The following TMEM132D variants were observed in gnomAD, a reference collection of about 807,000 sequenced individuals.
TMEM132D encodes the protein transmembrane protein 132D, also known as mature OL transmembrane protein.
In TMEM132D, 21 loss-of-function variants were observed where a neutral mutation model predicts 62.3. The observed-to-expected ratio is 0.34, with a 90% CI of 0.24 to 0.49. The LOEUF (loss-of-function observed/expected upper bound fraction) is 0.49. Among genes scored for constraint, TMEM132D ranks in the 20% least tolerant of loss-of-function variants. TMEM132D has a pLI of 0.99. For synonymous variants in TMEM132D, 621 were observed against 575.6 expected (o/e 1.08, Z -1.13); for missense variants, 1,346 against 1,402.8 (o/e 0.96, Z 0.65).
At chr12:129,252,998 C>T (rs1174483443) in intron 4 of TMEM132D, among the ~76,000 whole-genome samples, 3 of 134,544 alleles carry the variant, frequency 2.2e-5, no homozygotes, top group Non-Finnish European at 3.0e-5. Flanking sequence ...ACAATGATAA[C>T]ACATGGACAC....
At chr12:129,460,129 C>G (rs1457987028) in intron 3 of TMEM132D, among the ~76,000 whole-genome samples, 1 of 152,200 alleles carries the variant, frequency 6.6e-6, no homozygotes, top group African/African-American at 2.4e-5. Flanking sequence ...ACAATCAAGA[C>G]TGACCCATGA....
At chr12:129,399,811 T>C (rs1253511528) in intron 3 of TMEM132D, among the ~76,000 whole-genome samples, 1 of 152,018 alleles carries the variant, frequency 6.6e-6, no homozygotes, top group Non-Finnish European at 1.5e-5. Context: ...TAGGTAAAAC[T>C]GTGTGGCTCA....
intron 2 of TMEM132D, among the ~76,000 whole-genome samples, chr12:129,608,385 A>C (rs986971338): frequency 5.9e-5 from 9 of 152,126 alleles, no homozygotes; most frequent in Non-Finnish European, 1.2e-4. Flanking sequence ...AGTCTGCAAA[A>C]ATGAGGCCTA....
chr12:129,428,507 A>T (rs1872560884), intron 3 of TMEM132D, among the ~76,000 whole-genome samples: 1 of 152,214 alleles, frequency 6.6e-6, no homozygotes, highest in Non-Finnish European at 1.5e-5. Flanking sequence ...TACTTGGAGG[A>T]GGAATTTCAC....
At chr12:129,263,271 T>G (rs535114826) in intron 4 of TMEM132D, among the ~76,000 whole-genome samples, 1 of 152,300 alleles carries the variant, frequency 6.6e-6, no homozygotes, top group Admixed American at 6.5e-5. Flanking sequence ...TACTATACTC[T>G]GTTCAAATGA....
At position 129,260,570 on chromosome 12, in the gene TMEM132D, A is replaced by G. The variant is rs187469027; in HGVS notation, c.1300-50907T>C. ...GTACAGGTGGTTTTTGGTTACATGG[A>G]TAAGTTCTTTAGTGGTGATTTCTGA... is the stretch of plus-strand genomic sequence containing the variant. On this transcript the variant is annotated intron_variant, in intron 4 of 8. Transcript: ENST00000422113. 3.7e-3 allele frequency among the ~76,000 whole-genome samples: 569 copies of G among 152,234 alleles called. 2 individuals are homozygous for G. The highest frequency in any genetic ancestry group is 6.9e-3 in the Non-Finnish European group (467 of 68,008).
intron 1 of TMEM132D, among the ~76,000 whole-genome samples, chr12:129,711,833 G>T (rs2137236864): frequency 6.8e-6 from 1 of 148,100 alleles, no homozygotes; most frequent in Non-Finnish European, 1.5e-5. Context: ...TTATATAAAG[G>T]ATTATAAAAA....
chr12:129,632,033 TACAACAGGAGCATTATAC>T (rs1879358139), intron 2 of TMEM132D, among the ~76,000 whole-genome samples: 1 of 152,208 alleles, frequency 6.6e-6, no homozygotes, highest in Admixed American at 6.5e-5. Flanking sequence ...CAGCATTATT[TACAACAGGAGCATTATAC>T]ACAACAGGAG....
chr12:129,402,465 T>C (rs1871651401), intron 3 of TMEM132D, among the ~76,000 whole-genome samples: 1 of 152,194 alleles, frequency 6.6e-6, no homozygotes, highest in South Asian at 2.1e-4. Flanking sequence ...GTCACTGCAC[T>C]GTACACGGGT....
At chr12:129,750,048 CGAT>C (rs1199580596) in intron 1 of TMEM132D, among the ~76,000 whole-genome samples, 1 of 152,026 alleles carries the variant, frequency 6.6e-6, no homozygotes, top group Non-Finnish European at 1.5e-5. Flanking sequence ...TCTCTACTGA[CGAT>C]GATGCCTGTG....
intron 1 of TMEM132D, among the ~76,000 whole-genome samples, chr12:129,730,388 T>C (rs1869190288): frequency 6.6e-6 from 1 of 152,172 alleles, no homozygotes; most frequent in Non-Finnish European, 1.5e-5. Context: ...ACTCCAGGGG[T>C]ATGCTCCCTG....
rs1327125326 is a variant in TMEM132D, at chr12:129,801,909, G to A, written c.80-101211C>T. The stretch of plus-strand genomic sequence containing the variant: ...GAAGAATGAAGAAGCCTCAGGAGCC[G>A]ATGCGATCAACTGGAAGAAAGGGTA... On this transcript the variant is annotated intron_variant, in intron 1 of 8. Transcript: ENST00000422113. Among the ~76,000 whole-genome samples, 18 of 151,812 alleles carry A rather than the reference G, an allele frequency of 1.2e-4. No homozygotes were observed. In the East Asian group the frequency reaches 1.6e-3, roughly 13 times the overall value.
At chr12:129,845,741 T>A (rs534965558) in intron 1 of TMEM132D, among the ~76,000 whole-genome samples, 1 of 152,138 alleles carries the variant, frequency 6.6e-6, no homozygotes, top group African/African-American at 2.4e-5. Context: ...CCCAGGAGGG[T>A]TCTTGGCATT....
At chr12:129,135,640 C>A (rs1019891898) in intron 5 of TMEM132D, among the ~76,000 whole-genome samples, 7 of 122,006 alleles carry the variant, frequency 5.7e-5, no homozygotes, top group African/African-American at 2.0e-4. Flanking sequence ...AAGCTGTGTG[C>A]CTTAGAACAA....
At chr12:129,280,995 G>C (rs573047332) in intron 4 of TMEM132D, among the ~76,000 whole-genome samples, 32 of 151,374 alleles carry the variant, frequency 2.1e-4, no homozygotes, top group African/African-American at 7.3e-4. Context: ...CTTAAAATGT[G>C]GTCCATCTAT....
At position 129,073,896 on chromosome 12, in the gene TMEM132D, C is replaced by G. The variant is rs2135601249; in HGVS notation, c.3279G>C (p.Glu1093Asp). Residue 1093 changes from glutamate to aspartate, a missense_variant, in exon 9 of 9, where the codon GAG (glutamate) becomes GAC (aspartate). By Grantham distance (45) the Glu-to-Asp change is conservative. Transcript: ENST00000422113. ...GDCKELHNYM[E>D]RLHENV ...TGGCTTACACATTTTCATGTAACCT[C>G]TCCATGTAGTTGTGCAGCTCTTTGC... The G allele has an allele frequency of 6.5e-7, 1 of 1,548,078 alleles. No individual in the cohort carries two copies. Among genetic ancestry groups the G allele is most frequent in the Non-Finnish European group, 8.7e-7 (1 of 1,149,622 alleles).
intron 1 of TMEM132D, among the ~76,000 whole-genome samples, chr12:129,773,484 C>T (rs890489738): frequency 6.6e-6 from 1 of 151,972 alleles, no homozygotes; most frequent in Admixed American, 6.6e-5. Context: ...AAAGGTTGGT[C>T]GGTTGAGTGA....
intron 5 of TMEM132D, among the ~76,000 whole-genome samples, chr12:129,112,452 G>A (rs938747311): frequency 1.3e-5 from 2 of 152,154 alleles, no homozygotes; most frequent in Admixed American, 1.3e-4. Flanking sequence ...ATCTGAGGTC[G>A]GGAGTTCGAG....
intron 2 of TMEM132D, among the ~76,000 whole-genome samples, chr12:129,655,972 C>T (rs77447205): frequency 0.015 from 2,242 of 152,214 alleles, 46 homozygotes; most frequent in African/African-American, 0.05. Flanking sequence ...CCTCTCAAGG[C>T]TACTTCCAGG....
Sources: allele counts gnomAD v4.1 joint callset (sites outside exome capture counted in the v4.1 genomes callset), GRCh38; gene constraint gnomAD v4.1.1; transcripts MANE v1.5; gene names NCBI Gene and HGNC (gene_info 2026-07-23, HGNC 2026-07-21).